ADGB: variants seen among roughly 807,000 people sequenced by gnomAD.
ADGB encodes androglobin, also known as calpain-7-like protein.
ADGB carries 172 observed loss-of-function variants against 210.5 expected under a neutral mutation model. The ratio of observed to expected loss-of-function variants is 0.82; its 90% CI spans 0.72 to 0.93. ADGB has a LOEUF of 0.93. ADGB is among the 40% of genes least tolerant of loss of function. The pLI is 0.00. For missense variants in ADGB, 2,025 were observed against 1,964.8 expected (o/e 1.03, Z -0.58); for synonymous variants, 658 against 662.7 (o/e 0.99, Z 0.11).
chr6:146,780,398 CAGCAAA>C (rs1325546150), intron 29 of ADGB, among the ~76,000 whole-genome samples: 2 of 152,066 alleles, frequency 1.3e-5, no homozygotes, highest in East Asian at 3.9e-4. Context: ...AGTTAAAAGG[CAGCAAA>C]TGGCTGAATG....
chr6:146,813,635 A>C (rs1220364291), intron 35 of ADGB, among the ~76,000 whole-genome samples: 1 of 150,792 alleles, frequency 6.6e-6, no homozygotes, highest in Non-Finnish European at 1.5e-5. Context: ...GTTTCGCAAA[A>C]GTTTGTTTAA....
chr6:146,637,016 G>C (rs530424775), intron 2 of ADGB, among the ~76,000 whole-genome samples: 1 of 151,868 alleles, frequency 6.6e-6, no homozygotes, highest in Non-Finnish European at 1.5e-5. Context: ...GATGTGACGG[G>C]TGAATCAAAT....
intron 12 of ADGB, 123 bp from the exon 13 acceptor site, chr6:146,700,818 A>G: frequency 3.5e-6 from 4 of 1,149,202 alleles, no homozygotes; most frequent in Non-Finnish European, 4.8e-6. Flanking sequence ...GTAGTAAAAG[A>G]ATGAGAATGA....
At chr6:146,803,854 G>C in intron 35 of ADGB, 173 of 303,462 alleles carry the variant, frequency 5.7e-4, no homozygotes, top group Middle Eastern at 3.2e-3. Context: ...CGCGCGCGCG[G>C]CCTGCCGGGA....
At chr6:146,735,667 T>A (rs1331992794) in intron 22 of ADGB, among the ~76,000 whole-genome samples, 1 of 152,194 alleles carries the variant, frequency 6.6e-6, no homozygotes, top group Non-Finnish European at 1.5e-5. Flanking sequence ...GTTGTAAAAA[T>A]TTACATATAA....
intron 2 of ADGB, among the ~76,000 whole-genome samples, chr6:146,638,433 G>A (rs1338680848): frequency 6.6e-6 from 1 of 151,728 alleles, no homozygotes; most frequent in East Asian, 1.9e-4. Context: ...CATAAAAAAT[G>A]ATGAGTTCAT....
At chr6:146,659,125 A>G (rs934245020) in intron 5 of ADGB, among the ~76,000 whole-genome samples, 1 of 152,070 alleles carries the variant, frequency 6.6e-6, no homozygotes, top group Admixed American at 6.5e-5. Flanking sequence ...TGCAAATCCT[A>G]TGTGGTTGGT....
intron 1 of ADGB, among the ~76,000 whole-genome samples, chr6:146,610,477 C>T (rs1265517681): frequency 2.0e-5 from 3 of 152,174 alleles, no homozygotes; most frequent in Non-Finnish European, 4.4e-5. Context: ...GCTACTATTC[C>T]TTTAATCATT....
intron 23 of ADGB, among the ~76,000 whole-genome samples, chr6:146,738,670 G>A (rs540389989): frequency 2.0e-5 from 3 of 151,940 alleles, no homozygotes; most frequent in South Asian, 2.1e-4. Context: ...GGATGGTCTC[G>A]ATCTCCTGAC....
intron 33 of ADGB, among the ~76,000 whole-genome samples, chr6:146,800,452 A>C (rs1240793110): frequency 6.6e-6 from 1 of 152,202 alleles, no homozygotes; most frequent in Non-Finnish European, 1.5e-5. Context: ...TGGTCACACA[A>C]CTTGGTAAAT....
intron 35 of ADGB, among the ~76,000 whole-genome samples, chr6:146,813,314 A>C (rs1200391926): frequency 7.1e-6 from 1 of 140,766 alleles, no homozygotes; most frequent in Non-Finnish European, 1.5e-5. Flanking sequence ...GATATGTCTT[A>C]GAGTTTCAAG....
chr6:146,701,767 C>A (rs1296089965), intron 13 of ADGB, among the ~76,000 whole-genome samples: 1 of 151,918 alleles, frequency 6.6e-6, no homozygotes, highest in African/African-American at 2.4e-5. Context: ...CATACAACTT[C>A]ACTATTTGGT....
At position 146,741,180 on chromosome 6, in the gene ADGB, T is replaced by C. The variant is rs1003675142; in HGVS notation, c.3086T>C (p.Ile1029Thr). 6.4e-7 allele frequency: 1 copy of C among 1,550,570 alleles called. No individual in the cohort carries two copies. The change falls in exon 25 of 36, where the codon ATC becomes ACC. Residue 1029 changes from isoleucine to threonine, a missense_variant. By Grantham distance (89) the Ile-to-Thr change is moderately conservative. Coordinates refer to ENST00000397944, the MANE Select transcript of ADGB (RefSeq NM_024694.4). ...LVPKVYTTLP[I>T]CILHIVNNDT... ...CCCAAAGTATATACTACACTTCCAA[T>C]CTGTATCCTACACATTGTTAATAAT... is the stretch of plus-strand genomic sequence containing the variant.
chr6:146,646,175 G>A (rs1448372461), intron 3 of ADGB, among the ~76,000 whole-genome samples: 1 of 152,020 alleles, frequency 6.6e-6, no homozygotes, highest in African/African-American at 2.4e-5. Flanking sequence ...GTGGCCTTAG[G>A]ATGTTACTTT....
chr6:146,615,930 T>C (rs1259187399), intron 1 of ADGB, among the ~76,000 whole-genome samples: 3 of 152,204 alleles, frequency 2.0e-5, no homozygotes, highest in Non-Finnish European at 4.4e-5. Context: ...TATATATCCA[T>C]TAGTGAGATT....
chr6:146,608,817 T>G (rs896234214), intron 1 of ADGB, among the ~76,000 whole-genome samples: 33 of 152,224 alleles, frequency 2.2e-4, no homozygotes, highest in Admixed American at 2.2e-3. Flanking sequence ...GTATGTGCCA[T>G]GTGAAAATGG....
intron 8 of ADGB, among the ~76,000 whole-genome samples, chr6:146,674,758 C>A (rs1269264537): frequency 1.3e-5 from 2 of 152,004 alleles, no homozygotes; most frequent in African/African-American, 4.8e-5. Flanking sequence ...TGGGGTTTTG[C>A]CAGATGGGTG....
chr6:146,730,565 C>T (rs1776966816), intron 20 of ADGB, among the ~76,000 whole-genome samples: 1 of 152,104 alleles, frequency 6.6e-6, no homozygotes, highest in Non-Finnish European at 1.5e-5. Flanking sequence ...ATTGTAACAC[C>T]TTCATATCAG....
chr6:146,614,219 CCCTT>C (rs57639198), intron 1 of ADGB, among the ~76,000 whole-genome samples: 9,352 of 48,098 alleles, frequency 0.19, 399 homozygotes, highest in East Asian at 0.36. Flanking sequence ...CTTCCTTCCT[CCCTT>C]CCTTCCTTCC....
Sources: allele counts gnomAD v4.1 joint callset (sites outside exome capture counted in the v4.1 genomes callset), GRCh38; gene constraint gnomAD v4.1.1; transcripts MANE v1.5; gene names NCBI Gene and HGNC (gene_info 2026-07-23, HGNC 2026-07-21).